The following UNC79 variants were observed in gnomAD, a reference collection of about 807,000 sequenced individuals.
UNC79 encodes unc-79 subunit of NALCN channel complex, also known as protein unc-79 homolog.
In UNC79, 37 loss-of-function variants were observed where a neutral mutation model predicts 283.1. The observed-to-expected ratio is 0.13, with a 90% confidence interval of 0.10 to 0.17. UNC79 has a LOEUF of 0.17. Ranked by LOEUF, UNC79 falls within the 10% of genes least tolerant of loss-of-function variation. The probability of loss-of-function intolerance (pLI) is 1.00; values close to 1 mark genes in which losing one functional copy is unlikely to be tolerated. For synonymous variants in UNC79, 1,107 were observed against 1,200.2 expected (o/e 0.92, Z 1.61); for missense variants, 2,272 against 3,211.1 (o/e 0.71, Z 7.07).
At chr14:93,352,974 A>G (rs143024029) in intron 1 of UNC79, among the ~76,000 whole-genome samples, 2 of 152,358 alleles carry the variant, frequency 1.3e-5, no homozygotes, top group African/African-American at 2.4e-5. Context: ...ATGCACAAAC[A>G]TAGACATACA....
exon 36 of UNC79, chr14:93,653,759 A>T: frequency 6.2e-7 from 1 of 1,613,288 alleles, no homozygotes; most frequent in Non-Finnish European, 8.5e-7. Context: ...GTTCCCGGCA[A>T]TGCGGCGGGG....
At chr14:93,692,885 A>G (rs983726019) in intron 46 of UNC79, among the ~76,000 whole-genome samples, 2 of 152,192 alleles carry the variant, frequency 1.3e-5, no homozygotes, top group Admixed American at 6.5e-5. Context: ...AGCTGCAACC[A>G]GCGTCTTGTT....
intron 1 of UNC79, among the ~76,000 whole-genome samples, chr14:93,368,006 T>G (rs2054369130): frequency 6.6e-6 from 1 of 152,234 alleles, no homozygotes. Flanking sequence ...CACATTTATG[T>G]AAAATTCAAA....
rs2057281360 is a variant in UNC79 at position 93,467,662 on chromosome 14, T to A, written c.23-9T>A. 8.0e-7 allele frequency: 1 copy of A among 1,244,298 alleles called. No individual in the cohort carries two copies. Among genetic ancestry groups the A allele is most frequent in the African/African-American group, 1.9e-5 (1 of 53,600 alleles). 77.1% of individuals were successfully genotyped at this position (1,244,298 alleles called of 1,614,324 possible). The stretch of plus-strand genomic sequence containing the variant: ...TTTTTTTTTTTTTTTTTTTTTTGCT[T>A]TTATCTAGTTGCTTCCAAGATCCGG... On this transcript the variant is annotated splice_polypyrimidine_tract_variant and intron_variant, in intron 1 of 48. Coordinates refer to ENST00000555664, the Ensembl canonical transcript of UNC79.
At chr14:93,671,801 CA>C (rs963375987) in intron 40 of UNC79, among the ~76,000 whole-genome samples, 24 of 152,076 alleles carry the variant, frequency 1.6e-4, no homozygotes, top group Middle Eastern at 3.4e-3. Context: ...ACAACAACAA[CA>C]AAAATGTAAA....
At chr14:93,476,203 TG>T (rs1315997074) in intron 3 of UNC79, among the ~76,000 whole-genome samples, 2 of 151,578 alleles carry the variant, frequency 1.3e-5, no homozygotes, top group African/African-American at 4.9e-5. Context: ...CCGGAGGCTG[TG>T]TCTTGCTGCT....
chr14:93,691,916 C>T (rs1472123457), exon 46 of UNC79: 2 of 1,614,178 alleles, frequency 1.2e-6, no homozygotes, highest in Non-Finnish European at 8.5e-7. Flanking sequence ...TGACACCCAG[C>T]ATCCTTCAGC....
chr14:93,338,255 C>A (rs2053622997), intron 1 of UNC79, among the ~76,000 whole-genome samples: 1 of 152,132 alleles, frequency 6.6e-6, no homozygotes, highest in Non-Finnish European at 1.5e-5. Context: ...TCTGAATTCA[C>A]TGGTGATCTG....
chr14:93,358,040 AC>A (rs1566890506), intron 1 of UNC79, among the ~76,000 whole-genome samples: 1 of 150,620 alleles, frequency 6.6e-6, no homozygotes, highest in Non-Finnish European at 1.5e-5. Flanking sequence ...AGATTTTGGT[AC>A]CAGGAGTGGT....
intron 35 of UNC79, among the ~76,000 whole-genome samples, chr14:93,653,230 CT>C (rs1004394945): frequency 6.6e-6 from 1 of 152,062 alleles, no homozygotes; most frequent in African/African-American, 2.4e-5. Flanking sequence ...CAAATTGCAC[CT>C]GTCAAAGTCC....
intron 44 of UNC79, 170 bp from the exon 48 acceptor site, chr14:93,689,947 C>G (rs949076123): frequency 1.5e-6 from 1 of 667,230 alleles, no homozygotes; most frequent in Non-Finnish European, 2.5e-6. Flanking sequence ...GAGTGGAAAA[C>G]AAGAAAAACA....
upstream of UNC79, among the ~76,000 whole-genome samples, chr14:93,427,857 T>C (rs2055766115): frequency 6.6e-6 from 1 of 152,158 alleles, no homozygotes; most frequent in Non-Finnish European, 1.5e-5. Context: ...AGTAAAACAA[T>C]GCAACATGAC....
intron 25 of UNC79, among the ~76,000 whole-genome samples, chr14:93,602,337 A>G (rs60571370): frequency 0.014 from 2,189 of 152,246 alleles, 51 homozygotes; most frequent in African/African-American, 0.05. Context: ...CAATTATCCC[A>G]GCACCATTTA....
intron 47 of UNC79, among the ~76,000 whole-genome samples, chr14:93,696,146 T>TA (rs573919394): frequency 2.6e-3 from 389 of 152,266 alleles, no homozygotes; most frequent in Non-Finnish European, 4.7e-3. Flanking sequence ...AGTGGACAAT[T>TA]ACTTTTTATT....
intron 26 of UNC79, chr14:93,604,932 C>A: frequency 6.3e-7 from 1 of 1,587,380 alleles, no homozygotes; most frequent in Non-Finnish European, 8.5e-7. Context: ...TCTGCTCCAG[C>A]TCTCGGTGGG....
intron 47 of UNC79, among the ~76,000 whole-genome samples, chr14:93,699,760 C>T (rs1039640886): frequency 4.6e-5 from 7 of 152,090 alleles, no homozygotes; most frequent in African/African-American, 7.2e-5. Context: ...TAAAGCAAAT[C>T]ATACATTATT....
chr14:93,638,894 C>T (rs866710272), intron 32 of UNC79, among the ~76,000 whole-genome samples: 5 of 152,170 alleles, frequency 3.3e-5, no homozygotes, highest in African/African-American at 4.8e-5. Context: ...CAATATTTAG[C>T]GATCCATTGA....
At chr14:93,371,368 C>T (rs1302068387) in intron 1 of UNC79, among the ~76,000 whole-genome samples, 1 of 151,640 alleles carries the variant, frequency 6.6e-6, no homozygotes, top group Non-Finnish European at 1.5e-5. Flanking sequence ...GCCTGGGTGG[C>T]AGAGCGAGAC....
At chr14:93,539,053 C>T (rs1369982113) in intron 12 of UNC79, among the ~76,000 whole-genome samples, 1 of 150,772 alleles carries the variant, frequency 6.6e-6, no homozygotes, top group African/African-American at 2.4e-5. Flanking sequence ...CAGGTGCGCA[C>T]CCCCACGCCC....
Sources: allele counts gnomAD v4.1 joint callset (sites outside exome capture counted in the v4.1 genomes callset), GRCh38; gene constraint gnomAD v4.1.1; transcripts MANE v1.5; gene names NCBI Gene and HGNC (gene_info 2026-07-23, HGNC 2026-07-21).